The following ERC1 variants were observed in gnomAD, a reference collection of about 807,000 sequenced individuals.
The protein encoded by ERC1 is RAB6 interacting protein 2.
A neutral mutation model predicts 132.0 loss-of-function variants in ERC1; 56 were observed. The ratio of observed to expected loss-of-function variants is 0.42; its 90% CI spans 0.34 to 0.53. The LOEUF (loss-of-function observed/expected upper bound fraction) is 0.53. Ranked by LOEUF, ERC1 falls within the 20% of genes least tolerant of loss-of-function variation. The probability of loss-of-function intolerance (pLI) is 0.03; values close to 1 mark genes in which losing one functional copy is unlikely to be tolerated. For missense variants in ERC1, 1,202 were observed against 1,349.9 expected (o/e 0.89, Z 1.72); for synonymous variants, 478 against 476.1 (o/e 1.00, Z -0.05).
At chr12:1,179,538 C>G (rs562772079) in intron 8 of ERC1, among the ~76,000 whole-genome samples, 5 of 123,820 alleles carry the variant, frequency 4.0e-5, no homozygotes, top group Admixed American at 3.1e-4. Flanking sequence ...GACGGAGTCT[C>G]GCTCTGTCGC....
chr12:1,220,238 CTG>C (rs1379514134), intron 12 of ERC1, among the ~76,000 whole-genome samples: 2 of 152,202 alleles, frequency 1.3e-5, no homozygotes, highest in Non-Finnish European at 2.9e-5. Flanking sequence ...GCACATGTCA[CTG>C]TGCTATGACA....
chr12:1,071,608 A>G (rs1037173739), intron 2 of ERC1, among the ~76,000 whole-genome samples: 2 of 152,002 alleles, frequency 1.3e-5, no homozygotes. Context: ...AAGTCCTTTA[A>G]CAGTTATATG....
intron 8 of ERC1, among the ~76,000 whole-genome samples, chr12:1,154,309 A>G (rs746874309): frequency 5.4e-5 from 8 of 148,452 alleles, no homozygotes; most frequent in East Asian, 2.0e-4. Context: ...GTGCATATAT[A>G]TGTGTGTGTG....
At chr12:1,343,993 C>G (rs1441332135) in intron 15 of ERC1, among the ~76,000 whole-genome samples, 2 of 152,128 alleles carry the variant, frequency 1.3e-5, no homozygotes, top group African/African-American at 4.8e-5. Flanking sequence ...AGGCACCCAC[C>G]ACTGCACCCG....
intron 2 of ERC1, among the ~76,000 whole-genome samples, chr12:1,076,991 G>T (rs1013133225): frequency 1.1e-4 from 16 of 152,182 alleles, no homozygotes; most frequent in Admixed American, 4.6e-4. Context: ...CAACCAAACC[G>T]GAAGCTTGAC....
At chr12:1,118,213 G>C (rs1345881709) in intron 7 of ERC1, among the ~76,000 whole-genome samples, 1 of 152,210 alleles carries the variant, frequency 6.6e-6, no homozygotes, top group African/African-American at 2.4e-5. Context: ...TTCCAAGTTT[G>C]CTACTGTAAT....
chr12:1,082,679 A>G (rs2154188915), intron 2 of ERC1, among the ~76,000 whole-genome samples: 1 of 150,908 alleles, frequency 6.6e-6, no homozygotes, highest in South Asian at 2.1e-4. Context: ...TAGTAGAGAC[A>G]GGGTTTCATC....
chr12:1,442,013 C>T (rs1298387937), intron 17 of ERC1, among the ~76,000 whole-genome samples: 11 of 152,086 alleles, frequency 7.2e-5, no homozygotes, highest in Non-Finnish European at 1.5e-4. Flanking sequence ...CTGCAGCCTC[C>T]GCTTCCCGGG....
intron 15 of ERC1, among the ~76,000 whole-genome samples, chr12:1,294,294 T>C (rs1246021134): frequency 6.6e-6 from 1 of 152,226 alleles, no homozygotes; most frequent in Non-Finnish European, 1.5e-5. Flanking sequence ...CATTTTAGCT[T>C]TTTAAGATCA....
intron 2 of ERC1, among the ~76,000 whole-genome samples, chr12:1,073,700 A>G (rs570962377): frequency 6.6e-6 from 1 of 152,316 alleles, no homozygotes. Context: ...AACCCGTAAC[A>G]TAGTCATTTA....
chr12:1,080,426 G>A (rs572281291), intron 2 of ERC1, among the ~76,000 whole-genome samples: 2 of 152,282 alleles, frequency 1.3e-5, no homozygotes, highest in East Asian at 1.9e-4. Flanking sequence ...CGTCTTGAAG[G>A]TTCATCTGTG....
At chr12:1,123,595 A>T (rs983004670) in intron 7 of ERC1, among the ~76,000 whole-genome samples, 1 of 152,244 alleles carries the variant, frequency 6.6e-6, no homozygotes, top group Non-Finnish European at 1.5e-5. Flanking sequence ...TATTGATTAA[A>T]TTATCTTTTA....
intron 18 of ERC1, among the ~76,000 whole-genome samples, chr12:1,465,530 G>A (rs559363597): frequency 2.6e-5 from 4 of 152,300 alleles, no homozygotes; most frequent in East Asian, 1.9e-4. Flanking sequence ...GACAACCAAC[G>A]TAAATTTAAA....
Position 1,094,905 on chromosome 12 carries a change from C to T in ERC1, c.1087-9845C>T, listed in dbSNP as rs954300159. Among the ~76,000 whole-genome samples the T allele has an allele frequency of 3.8e-4, 58 of 151,996 alleles. 1 individual carries two copies. Among genetic ancestry groups the T allele is most frequent in the Admixed American group, 2.5e-3 (38 of 15,246 alleles). On this transcript the variant is annotated intron_variant, in intron 3 of 18. Transcript: ENST00000360905. ...CTCCCTTCTTTTTTATTTCTGTCTC[C>T]GCTGTGTTGTCAGTATGATAAATTC...
intron 2 of ERC1, among the ~76,000 whole-genome samples, chr12:1,059,058 T>G (rs1316784325): frequency 6.6e-6 from 1 of 152,228 alleles, no homozygotes; most frequent in Non-Finnish European, 1.5e-5. Flanking sequence ...TTTCACCTTC[T>G]TGGTTCAATT....
chr12:1,245,515 G>C (rs1347105800), intron 13 of ERC1, among the ~76,000 whole-genome samples: 2 of 152,178 alleles, frequency 1.3e-5, no homozygotes, highest in East Asian at 3.8e-4. Context: ...GCTCTGAAAA[G>C]ATGATTCATT....
At chr12:1,373,308 A>G (rs771717406) in intron 16 of ERC1, among the ~76,000 whole-genome samples, 2 of 152,238 alleles carry the variant, frequency 1.3e-5, no homozygotes, top group African/African-American at 2.4e-5. Context: ...ATATTCAGCA[A>G]TATCACTTAT....
At chr12:1,351,648 A>G (rs1443939423) in intron 15 of ERC1, among the ~76,000 whole-genome samples, 2 of 151,838 alleles carry the variant, frequency 1.3e-5, no homozygotes, top group African/African-American at 4.8e-5. Flanking sequence ...TCTTCCTTTT[A>G]TCTTGTTTTA....
intron 2 of ERC1, among the ~76,000 whole-genome samples, chr12:1,055,273 G>T (rs973393331): frequency 6.6e-6 from 1 of 151,932 alleles, no homozygotes; most frequent in Non-Finnish European, 1.5e-5. Flanking sequence ...TCTGCTTCCC[G>T]GCTTCAAGCA....
Sources: gnomAD v4.1 joint callset for allele counts (sites outside exome capture counted in the v4.1 genomes callset) on GRCh38, gnomAD v4.1.1 for gene constraint, MANE v1.5 for transcripts, NCBI Gene and HGNC (gene_info 2026-07-23, HGNC 2026-07-21) for gene names.